IL17RD: variants seen among roughly 807,000 people sequenced by gnomAD.
The protein encoded by IL17RD is interleukin 17 receptor D.
In IL17RD, 52 loss-of-function variants were observed where a neutral mutation model predicts 80.5. That is an observed-to-expected ratio of 0.65 (90% CI 0.52 to 0.81). IL17RD has a LOEUF of 0.81. Ranked by LOEUF, IL17RD falls within the 40% of genes least tolerant of loss-of-function variation. IL17RD has a pLI of 0.00. For missense variants in IL17RD, 1,024 were observed against 955.1 expected, an observed-to-expected ratio of 1.07 and a Z score of -0.95; for synonymous variants, 416 against 391.8, an observed-to-expected ratio of 1.06 and a Z score of -0.73.
At chr3:57,165,355 G>A, upstream of IL17RD, 2 of 1,196,164 alleles carry the variant, frequency 1.7e-6, no homozygotes, top group Non-Finnish European at 2.1e-6. Flanking sequence ...GCCCCGAGTG[G>A]GCGGTGGCCG....
At chr3:57,127,293 T>A (rs1316770541) in intron 1 of IL17RD, among the ~76,000 whole-genome samples, 9 of 93,354 alleles carry the variant, frequency 9.6e-5, no homozygotes, top group South Asian at 5.6e-4. Context: ...TAAATATATA[T>A]AAATATATAT....
At chr3:57,118,769 T>C (rs1707270912) in intron 2 of IL17RD, among the ~76,000 whole-genome samples, 1 of 152,168 alleles carries the variant, frequency 6.6e-6, no homozygotes, top group African/African-American at 2.4e-5. Context: ...TGAATGTACA[T>C]TGCAGTCAGC....
At position 57,094,731 on chromosome 3, in the gene IL17RD, G is replaced by A. The variant is rs926207189; in HGVS notation, c.*1662C>T. The A allele has an allele frequency of 6.6e-6, 1 of 152,170 alleles. No individual in the cohort carries two copies. Among genetic ancestry groups the A allele is most frequent in the Non-Finnish European group, 1.5e-5 (1 of 68,042 alleles). The allele number at this position is 152,170 out of a possible 1,614,324, so 9.4% of individuals were successfully genotyped here. On this transcript the variant is annotated 3_prime_UTR_variant, in exon 13 of 13. Transcript: ENST00000296318. ...ATGGCGGGGCAGTCATGTGTGGGTA[G>A]GAGCTCTGCACTCATTCCAGATTCC... is the stretch of plus-strand genomic sequence containing the variant.
chr3:57,168,709 TTTG>T (rs1184926514), upstream of IL17RD, among the ~76,000 whole-genome samples: 1 of 152,172 alleles, frequency 6.6e-6, no homozygotes, highest in Non-Finnish European at 1.5e-5. Flanking sequence ...TGTTGTTGTT[TTTG>T]TTGTTGTTTG....
intron 1 of IL17RD, chr3:57,134,706 G>A: frequency 1.5e-6 from 1 of 687,814 alleles, no homozygotes; most frequent in East Asian, 2.9e-5. Flanking sequence ...GTCTAAGGAG[G>A]AAGAGACCGA....
rs556542351 is a variant in IL17RD at position 57,094,721 on chromosome 3, T to C, written c.*1672A>G. ...CTAGGATGAAATGGCGGGGCAGTCA[T>C]GTGTGGGTAGGAGCTCTGCACTCAT... On this transcript the variant is annotated 3_prime_UTR_variant, in exon 13 of 13. Transcript: ENST00000296318. The C allele has an allele frequency of 6.6e-6, 1 of 152,264 alleles. No individual in the cohort carries two copies. The highest frequency in any genetic ancestry group is 2.4e-5 in the African/African-American group (1 of 41,544). 9.4% of individuals were successfully genotyped at this position (152,264 alleles called of 1,614,324 possible). A position where few individuals can be genotyped will look rare whatever the true frequency, so the allele number is the denominator to read the frequency against.
chr3:57,116,208 T>C (rs1707211797), intron 2 of IL17RD, among the ~76,000 whole-genome samples: 1 of 152,068 alleles, frequency 6.6e-6, no homozygotes, highest in African/African-American at 2.4e-5. Flanking sequence ...CTGACTACAT[T>C]AGGCACACTC....
intron 2 of IL17RD, among the ~76,000 whole-genome samples, chr3:57,118,976 C>T (rs192426343): frequency 2.6e-5 from 4 of 152,048 alleles, no homozygotes; most frequent in South Asian, 2.1e-4. Flanking sequence ...GAGGCAGAGG[C>T]GGGCAGATAA....
At chr3:57,157,428 T>C (rs1453852422) in intron 1 of IL17RD, among the ~76,000 whole-genome samples, 2 of 152,204 alleles carry the variant, frequency 1.3e-5, no homozygotes, top group Non-Finnish European at 2.9e-5. Flanking sequence ...AGGCAGCCAC[T>C]GTGGACGGGG....
intron 3 of IL17RD, among the ~76,000 whole-genome samples, chr3:57,114,227 G>T (rs191860599): frequency 1.3e-5 from 2 of 151,762 alleles, no homozygotes; most frequent in Non-Finnish European, 1.5e-5. Flanking sequence ...ATTTAAAAAT[G>T]AATTGATTTC....
intron 2 of IL17RD, among the ~76,000 whole-genome samples, chr3:57,115,423 A>G (rs1037625309): frequency 7.2e-5 from 11 of 152,296 alleles, no homozygotes; most frequent in African/African-American, 2.6e-4. Context: ...GTCATCAAAG[A>G]CACCAGCAAC....
intron 7 of IL17RD, among the ~76,000 whole-genome samples, chr3:57,105,097 A>G (rs1579263916): frequency 6.6e-6 from 1 of 152,260 alleles, no homozygotes; most frequent in East Asian, 1.9e-4. Flanking sequence ...TGCGGCCTTG[A>G]GCAAGCCAGG....
intron 1 of IL17RD, among the ~76,000 whole-genome samples, chr3:57,149,112 G>A (rs1407067742): frequency 2.6e-5 from 4 of 152,110 alleles, no homozygotes; most frequent in African/African-American, 9.7e-5. Context: ...AGGAGTTCAA[G>A]ACCAGCCTGG....
At chr3:57,137,150 T>C (rs961328874) in intron 1 of IL17RD, among the ~76,000 whole-genome samples, 1 of 152,170 alleles carries the variant, frequency 6.6e-6, no homozygotes, top group African/African-American at 2.4e-5. Flanking sequence ...CAGGAAATGG[T>C]TGCTATTTCT....
intron 1 of IL17RD, among the ~76,000 whole-genome samples, chr3:57,147,869 T>C (rs933152555): frequency 2.0e-5 from 3 of 152,118 alleles, no homozygotes; most frequent in Non-Finnish European, 4.4e-5. Flanking sequence ...GAAGAATCAG[T>C]ATGTAATGGA....
intron 1 of IL17RD, among the ~76,000 whole-genome samples, chr3:57,144,976 C>G (rs552332495): frequency 1.3e-5 from 2 of 151,934 alleles, no homozygotes; most frequent in Admixed American, 6.6e-5. Flanking sequence ...AAGAAGACAG[C>G]TTGGTGTAAA....
At chr3:57,147,788 T>A (rs920536482) in intron 1 of IL17RD, among the ~76,000 whole-genome samples, 3 of 150,656 alleles carry the variant, frequency 2.0e-5, no homozygotes, top group Admixed American at 6.6e-5. Context: ...AAGTAAAAAA[T>A]AACCATAAAT....
chr3:57,146,783 A>G (rs1707939869), intron 1 of IL17RD, among the ~76,000 whole-genome samples: 1 of 148,020 alleles, frequency 6.8e-6, no homozygotes, highest in African/African-American at 2.5e-5. Context: ...AAAAAATTAT[A>G]TAAACGTCAA....
At chr3:57,112,313 C>T (rs1055790247) in intron 3 of IL17RD, among the ~76,000 whole-genome samples, 9 of 152,238 alleles carry the variant, frequency 5.9e-5, no homozygotes, top group Non-Finnish European at 8.8e-5. Flanking sequence ...AGCTAACTGG[C>T]TTGCCCAGGG....
Sources: gnomAD v4.1 joint callset for allele counts (sites outside exome capture counted in the v4.1 genomes callset) on GRCh38, gnomAD v4.1.1 for gene constraint, MANE v1.5 for transcripts, NCBI Gene and HGNC (gene_info 2026-07-23, HGNC 2026-07-21) for gene names.